The following CRLF3 variants were observed in gnomAD, a reference collection of about 807,000 sequenced individuals.
CRLF3 encodes the protein cytokine receptor-like factor 3.
A neutral mutation model predicts 55.0 loss-of-function variants in CRLF3; 33 were observed. That is an observed-to-expected ratio of 0.60 (90% CI 0.46 to 0.80). The LOEUF is 0.80. Ranked by LOEUF, CRLF3 falls within the 30% of genes least tolerant of loss-of-function variation. The pLI is 0.00. For missense variants in CRLF3, 494 were observed against 538.4 expected, an observed-to-expected ratio of 0.92 and a Z score of 0.82; for synonymous variants, 238 against 196.8, an observed-to-expected ratio of 1.21 and a Z score of -1.75.
rs780693808 is a variant in CRLF3, at chr17:30,788,325, CA to C, written c.960-2295del. On this transcript the variant is annotated intron_variant, in intron 6 of 7. Transcript: ENST00000324238. ...TGGGCAACAGAATGAGACTTTGTCT[CA>C]AAAAAAAAAAAAGAAAAGAAAAGAA... 6.1e-3 allele frequency among the ~76,000 whole-genome samples: 717 copies of C among 118,360 alleles called. 2 individuals are homozygous for C. The highest frequency in any genetic ancestry group is 9.2e-3 in the Non-Finnish European group (514 of 55,570). The allele number at this position is 118,360 out of a possible 152,430, so 77.6% of individuals were successfully genotyped here.
At chr17:30,791,050 C>T (rs1008551739) in intron 6 of CRLF3, 2 of 152,270 alleles carry the variant, frequency 1.3e-5, no homozygotes, top group African/African-American at 4.8e-5. Flanking sequence ...TCCTGAGTGG[C>T]TGGGATTATA....
At position 30,804,021 on chromosome 17, in the gene CRLF3, G is replaced by A. The variant is rs1300240812; in HGVS notation, c.217C>T (p.Arg73Ter). 3.7e-6 allele frequency: 6 copies of A among 1,613,188 alleles called. No individual in the cohort carries two copies. In the Admixed American group the frequency reaches 6.7e-5, roughly 18 times the overall value. The change falls in exon 2 of 8, where the codon CGA (arginine) becomes TGA (stop). Residue 73 changes from arginine (R) to a stop codon, truncating the protein, a stop_gained. Coordinates refer to ENST00000324238, the MANE Select transcript of CRLF3 (RefSeq NM_015986.4). LOFTEE classifies it high-confidence loss of function. ...KGTLGKLLDERLVTLLQEVDT... is the reference protein window; with the variant it reads ...KGTLGKLLDE Reference sequence around the variant, plus strand: ...ACCTCTTGCAAAAGGGTCACCAATCGCTCATCCAGGAGCTTTCCAAGGGTT... The same window carrying A: ...ACCTCTTGCAAAAGGGTCACCAATCACTCATCCAGGAGCTTTCCAAGGGTT...
chr17:30,795,756 T>C (rs1190771051), intron 4 of CRLF3, among the ~76,000 whole-genome samples: 7 of 151,828 alleles, frequency 4.6e-5, no homozygotes, highest in Non-Finnish European at 4.4e-5. Flanking sequence ...GCCAACATGG[T>C]GAAACCTCGT....
chr17:30,792,781 A>G (rs542781009), intron 5 of CRLF3: 29 of 447,926 alleles, frequency 6.5e-5, no homozygotes, highest in South Asian at 2.8e-4. Flanking sequence ...TTTTGACATA[A>G]TAAATCACAC....
intron 1 of CRLF3, among the ~76,000 whole-genome samples, chr17:30,811,437 G>A (rs926768070): frequency 6.6e-6 from 1 of 151,474 alleles, no homozygotes; most frequent in Non-Finnish European, 1.5e-5. Flanking sequence ...CCAGGTGAGA[G>A]AGCAATACTC....
At chr17:30,794,534 A>C (rs533140226) in intron 4 of CRLF3, among the ~76,000 whole-genome samples, 19 of 152,374 alleles carry the variant, frequency 1.2e-4, no homozygotes, top group Non-Finnish European at 2.5e-4. Flanking sequence ...ATGATGGCTC[A>C]TGCCTATAAT....
At chr17:30,795,608 G>A (rs986310205) in intron 4 of CRLF3, among the ~76,000 whole-genome samples, 5 of 151,608 alleles carry the variant, frequency 3.3e-5, no homozygotes, top group Admixed American at 6.6e-5. Context: ...TTGCATCGCT[G>A]CACTCCAGCC....
rs370655602 is a variant in CRLF3, at chr17:30,796,128, G to A, written c.603+32C>T. On this transcript the variant is annotated intron_variant, in intron 4 of 7. Transcript: ENST00000324238. Reference sequence around the variant, plus strand: ...CCTCCAAATCGCAAACCCATAATGTGGAAGTCATTTCTAGAATTCTGAATT... The same window carrying A: ...CCTCCAAATCGCAAACCCATAATGTAGAAGTCATTTCTAGAATTCTGAATT... The A allele has an allele frequency of 7.6e-5, 116 of 1,523,490 alleles. 1 individual carries two copies. In the African/African-American group the frequency reaches 1.4e-3, roughly 18 times the overall value. The allele number at this position is 1,523,490 out of a possible 1,614,324, so 94.4% of individuals were successfully genotyped here. A position where few individuals can be genotyped will look rare whatever the true frequency, so the allele number is the denominator to read the frequency against.
intron 4 of CRLF3, 73 bp downstream of exon 4, chr17:30,796,086 CG>C: frequency 9.2e-6 from 10 of 1,089,970 alleles, no homozygotes; most frequent in Non-Finnish European, 1.1e-5. Context: ...AAGTAGTCAA[CG>C]AAAAAATCTG....
chr17:30,797,759 C>CA (rs1255542831), intron 2 of CRLF3, among the ~76,000 whole-genome samples: 1 of 148,208 alleles, frequency 6.7e-6, no homozygotes, highest in Non-Finnish European at 1.5e-5. Flanking sequence ...CTGAGAGGTG[C>CA]AACAGGGGAT....
rs992355500 is a variant in CRLF3 at position 30,824,645 on chromosome 17, C to G, written c.7G>C (p.Gly3Arg). 1.3e-6 allele frequency: 2 copies of G among 1,593,152 alleles called. No individual in the cohort carries two copies. Among genetic ancestry groups the G allele is most frequent in the African/African-American group, 2.7e-5 (2 of 73,226 alleles). MR[G>R]AMELEPELLL... Reference sequence around the variant, plus strand: ...AGCTCAGGCTCCAGCTCCATCGCCCCCCTCATCTGGCCGCGCGGCCGGCGA... The same window carrying G: ...AGCTCAGGCTCCAGCTCCATCGCCCGCCTCATCTGGCCGCGCGGCCGGCGA... Residue 3 changes from glycine (G) to arginine (R), a missense_variant, in exon 1 of 8, where the codon GGG becomes CGG. By Grantham distance (125) the Gly-to-Arg change is moderately radical (BLOSUM62 -2). Transcript: ENST00000324238.
Position 30,785,923 on chromosome 17 carries a change from T to A in CRLF3, c.1068A>T (p.Thr356=), listed in dbSNP as rs73988184. The change falls in exon 7 of 8, where the codon ACA becomes ACT. Residue 356 remains threonine, a synonymous_variant. Coordinates refer to ENST00000324238, the MANE Select transcript of CRLF3 (RefSeq NM_015986.4). The part of the protein sequence containing the change: ...LQRDQAVCIS[T]NGAVFVNGKE... Reference sequence around the variant, plus strand: ...TGACAGTTATTTATCTCTTACCATTTGTACTAATGCACACAGCTTGATCCC... The same window carrying A: ...TGACAGTTATTTATCTCTTACCATTAGTACTAATGCACACAGCTTGATCCC... 111 of 1,537,022 alleles carry A rather than the reference T, an allele frequency of 7.2e-5. No homozygotes were observed. In the African/African-American group the frequency reaches 1.5e-3, roughly 21 times the overall value.
chr17:30,789,741 A>G (rs996651364), intron 6 of CRLF3, among the ~76,000 whole-genome samples: 9 of 152,212 alleles, frequency 5.9e-5, no homozygotes. Context: ...AAGACAGTAC[A>G]TGGCACATAG....
At chr17:30,800,267 G>C (rs756221133) in intron 2 of CRLF3, among the ~76,000 whole-genome samples, 11 of 152,124 alleles carry the variant, frequency 7.2e-5, no homozygotes, top group Non-Finnish European at 7.4e-5. Context: ...GGTGTCCCTT[G>C]ATGATTGTAC....
intron 7 of CRLF3, among the ~76,000 whole-genome samples, chr17:30,785,487 C>T (rs1357396295): frequency 1.3e-5 from 2 of 151,770 alleles, no homozygotes; most frequent in Admixed American, 1.3e-4. Context: ...GTCATTAAGA[C>T]CAAAACTTTC....
At chr17:30,819,097 G>A (rs1339812994) in intron 1 of CRLF3, among the ~76,000 whole-genome samples, 1 of 152,146 alleles carries the variant, frequency 6.6e-6, no homozygotes, top group Non-Finnish European at 1.5e-5. Flanking sequence ...GATTACAGGC[G>A]TGAGCCACTG....
In CRLF3 at chr17:30,824,628, C is replaced by T. The variant is rs148454306; in HGVS notation, c.24G>A (p.Glu8=). ...GGGCCTCCTGCAACAGCAGCTCAGG[C>T]TCCAGCTCCATCGCCCCCCTCATCT... The part of the protein sequence containing the change: MRGAMEL[E]PELLLQEARE... The change falls in exon 1 of 8, where the codon GAG becomes GAA. Residue 8 remains glutamate, a synonymous_variant. Transcript: ENST00000324238. 9.0e-5 allele frequency: 144 copies of T among 1,601,940 alleles called. No individual in the cohort carries two copies. The highest frequency in any genetic ancestry group is 1.2e-4 in the Non-Finnish European group (136 of 1,178,054).
At chr17:30,788,201 G>A (rs1385811891) in intron 6 of CRLF3, among the ~76,000 whole-genome samples, 1 of 147,250 alleles carries the variant, frequency 6.8e-6, no homozygotes, top group African/African-American at 2.5e-5. Flanking sequence ...GGTAGCAGGC[G>A]CCTGTAGTCC....
At chr17:30,813,788 A>G (rs201049087) in intron 1 of CRLF3, among the ~76,000 whole-genome samples, 2 of 144,052 alleles carry the variant, frequency 1.4e-5, no homozygotes, top group East Asian at 4.2e-4. Flanking sequence ...CATTTTAAAT[A>G]AGTTTCTCAT....
Sources: allele counts gnomAD v4.1 joint callset (sites outside exome capture counted in the v4.1 genomes callset), GRCh38; gene constraint gnomAD v4.1.1; transcripts MANE v1.5; gene names NCBI Gene and HGNC (gene_info 2026-07-23, HGNC 2026-07-21).